MYO1B: variants seen among roughly 807,000 people sequenced by gnomAD.
The protein encoded by MYO1B is unconventional myosin-Ib.
In MYO1B, 72 loss-of-function variants were observed where a neutral mutation model predicts 159.7. The observed-to-expected ratio is 0.45, with a 90% CI of 0.37 to 0.55. MYO1B has a LOEUF of 0.55. MYO1B is among the 20% of genes least tolerant of loss of function. MYO1B has a pLI of 0.00. For synonymous variants in MYO1B, 468 were observed against 473.8 expected (o/e 0.99, Z 0.16); for missense variants, 1,062 against 1,364.8 (o/e 0.78, Z 3.50).
chr2:191,413,947 A>G, intron 27 of MYO1B, 101 bp from the exon 28 acceptor site: 1 of 1,174,394 alleles, frequency 8.5e-7, no homozygotes, highest in Admixed American at 2.4e-5. Flanking sequence ...AATTTTTATG[A>G]AGTTGTCAGC....
At chr2:191,301,271 A>G (rs201000784) in intron 3 of MYO1B, among the ~76,000 whole-genome samples, 1 of 85,790 alleles carries the variant, frequency 1.2e-5, no homozygotes, top group Non-Finnish European at 2.8e-5. Context: ...AGGACATTTC[A>G]GAAACATTTC....
At chr2:191,398,751 G>A (rs1487088808) in intron 21 of MYO1B, among the ~76,000 whole-genome samples, 1 of 151,612 alleles carries the variant, frequency 6.6e-6, no homozygotes, top group Non-Finnish European at 1.5e-5. Flanking sequence ...ATGGGATGGC[G>A]GCCGGGCAGA....
At chr2:191,247,289 C>T (rs1232664935) in intron 1 of MYO1B, among the ~76,000 whole-genome samples, 3 of 152,110 alleles carry the variant, frequency 2.0e-5, no homozygotes, top group Non-Finnish European at 2.9e-5. Flanking sequence ...TGAGGGTCCG[C>T]CATTAAACCA....
At chr2:191,282,717 G>A (rs956283313) in intron 2 of MYO1B, among the ~76,000 whole-genome samples, 26 of 152,068 alleles carry the variant, frequency 1.7e-4, no homozygotes, top group African/African-American at 5.3e-4. Flanking sequence ...TTATCTAGAC[G>A]GGCAGACCTT....
intron 11 of MYO1B, among the ~76,000 whole-genome samples, chr2:191,365,110 C>T (rs1693923537): frequency 6.6e-6 from 1 of 152,178 alleles, no homozygotes; most frequent in Admixed American, 6.5e-5. Flanking sequence ...TGGATGGTTG[C>T]ATGCCTGTAT....
intron 3 of MYO1B, among the ~76,000 whole-genome samples, chr2:191,314,524 A>G (rs765319829): frequency 1.3e-5 from 2 of 152,252 alleles, no homozygotes; most frequent in South Asian, 2.1e-4. Flanking sequence ...GGTCTCTTCT[A>G]TATTCATTCA....
At chr2:191,402,996 A>G (rs931416516) in intron 24 of MYO1B, among the ~76,000 whole-genome samples, 3 of 152,162 alleles carry the variant, frequency 2.0e-5, no homozygotes, top group Non-Finnish European at 4.4e-5. Context: ...TGTTATCTTT[A>G]TGAGTGTAAA....
At chr2:191,371,620 TTTTCATTTATTGCTTTTC>T (rs1694371780) in intron 13 of MYO1B, among the ~76,000 whole-genome samples, 2 of 152,186 alleles carry the variant, frequency 1.3e-5, no homozygotes, top group South Asian at 4.1e-4. Flanking sequence ...CCTTTTAATA[TTTTCATTTATTGCTTTTC>T]TTTCTTACTA....
chr2:191,320,956 T>C (rs1360454889), intron 3 of MYO1B, among the ~76,000 whole-genome samples: 1 of 152,144 alleles, frequency 6.6e-6, no homozygotes, highest in Non-Finnish European at 1.5e-5. Flanking sequence ...CAGTATATGG[T>C]GCTATTCAGG....
At chr2:191,315,904 C>T (rs1475698391) in intron 3 of MYO1B, among the ~76,000 whole-genome samples, 1 of 152,184 alleles carries the variant, frequency 6.6e-6, no homozygotes, top group Non-Finnish European at 1.5e-5. Context: ...GCAGAATTCC[C>T]TTAGAATCTA....
intron 7 of MYO1B, 60 bp from the exon 8 acceptor site, chr2:191,360,571 A>C (rs1485398623): frequency 9.6e-7 from 1 of 1,047,054 alleles, no homozygotes; most frequent in Non-Finnish European, 1.4e-6. Flanking sequence ...GAAGGAAAAA[A>C]AGCATGGTGG....
intron 1 of MYO1B, among the ~76,000 whole-genome samples, chr2:191,273,223 A>G (rs1687562103): frequency 6.6e-6 from 1 of 152,194 alleles, no homozygotes; most frequent in East Asian, 1.9e-4. Flanking sequence ...GGTTCAAGCA[A>G]TTCTCCTGCC....
At chr2:191,400,950 T>G (rs1696575538) in intron 23 of MYO1B, 115 bp downstream of exon 23, 1 of 976,086 alleles carries the variant, frequency 1.0e-6, no homozygotes, top group Non-Finnish European at 1.5e-6. Flanking sequence ...CACTGGTGCA[T>G]GTCCTAGCCG....
intron 2 of MYO1B, among the ~76,000 whole-genome samples, chr2:191,286,010 A>G (rs1191376882): frequency 6.6e-6 from 1 of 152,200 alleles, no homozygotes; most frequent in African/African-American, 2.4e-5. Flanking sequence ...TTTGATGCAG[A>G]GCTTTGGGAT....
chr2:191,280,911 C>T (rs973953575), intron 2 of MYO1B, among the ~76,000 whole-genome samples: 2 of 152,142 alleles, frequency 1.3e-5, no homozygotes, highest in African/African-American at 4.8e-5. Context: ...GCTTCAAGTG[C>T]GCCCAATGGC....
chr2:191,382,118 T>C (rs1461207745), intron 14 of MYO1B, among the ~76,000 whole-genome samples: 2 of 152,162 alleles, frequency 1.3e-5, no homozygotes, highest in Non-Finnish European at 2.9e-5. Flanking sequence ...TTTTCACCCT[T>C]TTATTTTTTA....
intron 1 of MYO1B, among the ~76,000 whole-genome samples, chr2:191,251,640 G>A (rs576322666): frequency 6.6e-6 from 1 of 152,076 alleles, no homozygotes; most frequent in African/African-American, 2.4e-5. Context: ...ATATAGTAAT[G>A]TATTTCAGAA....
chr2:191,332,865 G>A lies in MYO1B; in HGVS notation c.346+2836G>A, dbSNP rs115187165. Among the ~76,000 whole-genome samples, 871 of 152,216 alleles carry A rather than the reference G, an allele frequency of 5.7e-3. 5 individuals are homozygous for A. The highest frequency in any genetic ancestry group is 0.02 in the African/African-American group (822 of 41,514). On this transcript the variant is annotated intron_variant, in intron 4 of 30. Transcript: ENST00000392318. ...GTGCCACACTACTTTGCCCATGTTG[G>A]TAAGTCTCCTTCAACTAGCCTCCCA...
At chr2:191,325,469 A>C (rs1259361391) in intron 3 of MYO1B, among the ~76,000 whole-genome samples, 9 of 152,150 alleles carry the variant, frequency 5.9e-5, no homozygotes, top group Non-Finnish European at 7.4e-5. Flanking sequence ...CACTTTGGCT[A>C]ATGGAGAGGT....
Sources: gnomAD v4.1 joint callset for allele counts (sites outside exome capture counted in the v4.1 genomes callset) on GRCh38, gnomAD v4.1.1 for gene constraint, MANE v1.5 for transcripts, NCBI Gene and HGNC (gene_info 2026-07-23, HGNC 2026-07-21) for gene names.